TMPRSS2: variants seen among roughly 807,000 people sequenced by gnomAD.
The protein encoded by TMPRSS2 is transmembrane serine protease 2.
TMPRSS2 carries 59 observed loss-of-function variants against 67.4 expected under a neutral mutation model. That is an observed-to-expected ratio of 0.88 (90% CI 0.71 to 1.09). TMPRSS2 has a LOEUF of 1.09. Ranked by LOEUF, TMPRSS2 falls within the 50% of genes least tolerant of loss-of-function variation. TMPRSS2 has a pLI of 0.00. For missense variants in TMPRSS2, 668 were observed against 642.7 expected (o/e 1.04, Z -0.43); for synonymous variants, 257 against 257.0 (o/e 1.00, Z 0.00).
At chr21:41,477,017 A>T (rs965174051) in intron 7 of TMPRSS2, among the ~76,000 whole-genome samples, 6 of 152,354 alleles carry the variant, frequency 3.9e-5, no homozygotes, top group Non-Finnish European at 7.4e-5. Context: ...TTAAATTTGT[A>T]GTGTTGAAAG....
chr21:41,481,539 A>C (rs2091256863), intron 5 of TMPRSS2, among the ~76,000 whole-genome samples: 1 of 152,198 alleles, frequency 6.6e-6, no homozygotes, highest in Admixed American at 6.5e-5. Flanking sequence ...TGATGAAAAT[A>C]TGCTAAAATT....
intron 1 of TMPRSS2, among the ~76,000 whole-genome samples, chr21:41,499,716 G>A (rs1458598970): frequency 2.6e-5 from 4 of 152,076 alleles, no homozygotes; most frequent in Non-Finnish European, 5.9e-5. Context: ...TCTTCCCACT[G>A]CAAAATCTGC....
Position 41,464,429 on chromosome 21 carries a change from A to T in TMPRSS2, c.*1713T>A, listed in dbSNP as rs2146413974. On this transcript the variant is annotated 3_prime_UTR_variant, in exon 14 of 14. Transcript: ENST00000332149. Reference sequence around the variant, plus strand: ...TGCAGGAACTGAGGGCACCAACCACAGGAGCACCAAGTCTGGCCTTGCCTC... The same window carrying T: ...TGCAGGAACTGAGGGCACCAACCACTGGAGCACCAAGTCTGGCCTTGCCTC... The T allele has an allele frequency of 5.3e-6, 1 of 188,290 alleles. No homozygotes were observed. The highest frequency in any genetic ancestry group is 8.5e-5 in the East Asian group (1 of 11,744). The allele number at this position is 188,290 out of a possible 1,614,324, so 11.7% of individuals were successfully genotyped here.
intron 1 of TMPRSS2, among the ~76,000 whole-genome samples, chr21:41,503,791 A>G (rs181446489): frequency 6.6e-6 from 1 of 152,256 alleles, no homozygotes; most frequent in Non-Finnish European, 1.5e-5. Flanking sequence ...GACCAGACAT[A>G]GTGATCTTTC....
At chr21:41,494,316 C>T (rs369729409) in intron 3 of TMPRSS2, 40 bp downstream of exon 3, 55 of 1,606,470 alleles carry the variant, frequency 3.4e-5, no homozygotes, top group Admixed American at 5.1e-5. Context: ...ACCCGGGACC[C>T]CGGGTTTATT....
At chr21:41,496,726 G>A (rs1321543681) in intron 2 of TMPRSS2, among the ~76,000 whole-genome samples, 2 of 151,678 alleles carry the variant, frequency 1.3e-5, no homozygotes, top group Admixed American at 6.6e-5. Context: ...TTACCTGTTG[G>A]CTGGGCCACT....
chr21:41,493,594 A>C (rs540209049), intron 3 of TMPRSS2, among the ~76,000 whole-genome samples: 51 of 152,392 alleles, frequency 3.3e-4, no homozygotes, highest in African/African-American at 1.2e-3. Context: ...TTAAAAGATC[A>C]ATGTAAAAGA....
chr21:41,477,876 C>G (rs932290625), intron 7 of TMPRSS2, among the ~76,000 whole-genome samples: 1 of 134,396 alleles, frequency 7.4e-6, no homozygotes, highest in Admixed American at 7.3e-5. Context: ...AAGAAGTGCG[C>G]CTCCCCCCAC....
chr21:41,494,338 A>G lies in TMPRSS2; in HGVS notation c.238+18T>C. The stretch of plus-strand genomic sequence containing the variant: ...ACCCCGGGTTTATTACAGGAAATAA[A>G]CACAAAGAGAATCCTACTTGAGGTG... On this transcript the variant is annotated intron_variant, in intron 3 of 13. Coordinates refer to ENST00000332149, the MANE Select transcript of TMPRSS2 (RefSeq NM_005656.4). 6.2e-7 allele frequency: 1 copy of G among 1,611,346 alleles called. No homozygotes were observed. Among genetic ancestry groups the G allele is most frequent in the Non-Finnish European group, 8.5e-7 (1 of 1,179,336 alleles).
chr21:41,496,407 G>A (rs1164655709), intron 2 of TMPRSS2, among the ~76,000 whole-genome samples: 1 of 152,234 alleles, frequency 6.6e-6, no homozygotes, highest in African/African-American at 2.4e-5. Flanking sequence ...CAGCTCTGCT[G>A]CAATAAACAT....
intron 13 of TMPRSS2, among the ~76,000 whole-genome samples, chr21:41,467,186 C>T (rs1454226543): frequency 1.3e-5 from 2 of 152,044 alleles, no homozygotes; most frequent in Non-Finnish European, 2.9e-5. Context: ...GTCAGGGCTT[C>T]GAGACCAGCC....
rs976280893 is a variant in TMPRSS2, at chr21:41,478,240, C to G, written c.683+932G>C. Among the ~76,000 whole-genome samples the G allele has an allele frequency of 6.6e-6, 1 of 152,208 alleles. No individual in the cohort carries two copies. The highest frequency in any genetic ancestry group is 2.4e-5 in the African/African-American group (1 of 41,446). ...GCAGGCTGCAGTGGAAGTCAGGCCC[C>G]CAGACCCCTCCACCAGCGGCCTCCA... On this transcript the variant is annotated intron_variant, in intron 7 of 13. Transcript: ENST00000332149. This position sits in a 1 kb window ranked among gnomAD's most constrained non-coding sequence, Gnocchi z 4.0.
intron 1 of TMPRSS2, among the ~76,000 whole-genome samples, chr21:41,507,469 C>G (rs1007109725): frequency 6.6e-6 from 1 of 152,182 alleles, no homozygotes; most frequent in Non-Finnish European, 1.5e-5. Flanking sequence ...ACTGACTGGC[C>G]GTTCGCACCT....
chr21:41,472,372 T>A (rs2091141492), intron 9 of TMPRSS2, among the ~76,000 whole-genome samples: 1 of 152,204 alleles, frequency 6.6e-6, no homozygotes, highest in South Asian at 2.1e-4. Flanking sequence ...AACAGACTTG[T>A]CCGATATCAA....
chr21:41,504,032 C>T (rs553097317), intron 1 of TMPRSS2, among the ~76,000 whole-genome samples: 2 of 152,340 alleles, frequency 1.3e-5, no homozygotes, highest in South Asian at 4.1e-4. Flanking sequence ...CATTGTGCAC[C>T]TCGTACAAAC....
rs1181200694 is a variant in TMPRSS2, at chr21:41,478,237, C to T, written c.683+935G>A. On this transcript the variant is annotated intron_variant, in intron 7 of 13. Coordinates refer to ENST00000332149, the MANE Select transcript of TMPRSS2 (RefSeq NM_005656.4). The surrounding 1 kb of genome is among the most constrained non-coding windows in gnomAD (Gnocchi z 4.0). ...ACAGCAGGCTGCAGTGGAAGTCAGG[C>T]CCCCAGACCCCTCCACCAGCGGCCT... Among the ~76,000 whole-genome samples the T allele has an allele frequency of 6.6e-6, 1 of 152,190 alleles. No homozygotes were observed. Among genetic ancestry groups the T allele is most frequent in the African/African-American group, 2.4e-5 (1 of 41,450 alleles).
chr21:41,480,421 T>C lies in TMPRSS2; in HGVS notation c.572+55A>G. The stretch of plus-strand genomic sequence containing the variant: ...TCACAGGGAGGCAGAGAGAGGGTCT[T>C]CTCGTGTTTCTGCTGTCTGTTACTG... On this transcript the variant is annotated intron_variant, in intron 6 of 13. Transcript: ENST00000332149. 5.6e-6 allele frequency: 9 copies of C among 1,597,612 alleles called. No homozygotes were observed. The South Asian group carries it at 1.0e-4, about 18-fold the overall frequency.
Position 41,466,138 on chromosome 21 carries a change from T to G in TMPRSS2, c.*4A>C, listed in dbSNP as rs751166049. ...AACGACGTCAAGGACGAAGACCATG[T>G]GGATTAGCCGTCTGCCTGTTCAAAT... On this transcript the variant is annotated 3_prime_UTR_variant, in exon 14 of 14. Transcript: ENST00000332149. The G allele has an allele frequency of 6.2e-7, 1 of 1,614,116 alleles. No homozygotes were observed.
intron 5 of TMPRSS2, among the ~76,000 whole-genome samples, chr21:41,484,276 C>CT (rs1221939884): frequency 6.6e-6 from 1 of 152,156 alleles, no homozygotes; most frequent in Non-Finnish European, 1.5e-5. Context: ...AAAATCTGCC[C>CT]TTTTAGCAAA....
Sources: allele counts gnomAD v4.1 joint callset (sites outside exome capture counted in the v4.1 genomes callset), GRCh38; gene constraint gnomAD v4.1.1; non-coding constraint Gnocchi (gnomAD v3.1); transcripts MANE v1.5; gene names NCBI Gene and HGNC (gene_info 2026-07-23, HGNC 2026-07-21).